CTNNA2: variants seen among roughly 807,000 people sequenced by gnomAD.
The protein encoded by CTNNA2 is catenin alpha 2.
CTNNA2 carries 42 observed loss-of-function variants against 101.0 expected under a neutral mutation model. The ratio of observed to expected loss-of-function variants is 0.42; its 90% CI spans 0.32 to 0.54. CTNNA2 has a LOEUF of 0.54. Ranked by LOEUF, CTNNA2 falls within the 20% of genes least tolerant of loss-of-function variation. The pLI is 0.14. For missense variants in CTNNA2, 871 were observed against 1,223.1 expected (o/e 0.71, Z 4.29); for synonymous variants, 450 against 456.4 (o/e 0.99, Z 0.18).
chr2:80,607,259 C>T (rs1698108002), intron 16 of CTNNA2, among the ~76,000 whole-genome samples: 1 of 151,772 alleles, frequency 6.6e-6, no homozygotes, highest in South Asian at 2.1e-4. Context: ...ATGTCCTTTA[C>T]AAGTACCAAA....
intron 7 of CTNNA2, among the ~76,000 whole-genome samples, chr2:80,356,665 A>T (rs887661998): frequency 6.6e-6 from 1 of 152,140 alleles, no homozygotes; most frequent in Non-Finnish European, 1.5e-5. Context: ...AGTAACTAAA[A>T]TGTGCCTGGC....
chr2:79,995,704 G>A (rs766151095), intron 7 of CTNNA2, among the ~76,000 whole-genome samples: 4 of 152,072 alleles, frequency 2.6e-5, no homozygotes, highest in Admixed American at 6.6e-5. Flanking sequence ...GTCCCAGGCA[G>A]TTGGTGGCTG....
chr2:80,086,039 A>G (rs1334301090), intron 7 of CTNNA2, among the ~76,000 whole-genome samples: 2 of 152,070 alleles, frequency 1.3e-5, no homozygotes, highest in East Asian at 3.9e-4. Flanking sequence ...CTGACTTGAA[A>G]TCAGTGATTC....
At chr2:80,620,982 A>C (rs542277249) in intron 18 of CTNNA2, among the ~76,000 whole-genome samples, 2 of 151,962 alleles carry the variant, frequency 1.3e-5, no homozygotes, top group Non-Finnish European at 2.9e-5. Context: ...GTGTTTTTTA[A>C]ATTCATTTCG....
chr2:79,272,210 A>T (rs1300248098), intron 2 of CTNNA2, among the ~76,000 whole-genome samples: 1 of 151,982 alleles, frequency 6.6e-6, no homozygotes, highest in Admixed American at 6.6e-5. Context: ...AATACAACAC[A>T]TTTGGCGGCC....
intron 9 of CTNNA2, among the ~76,000 whole-genome samples, chr2:80,484,627 T>A (rs1434074): frequency 0.31 from 47,128 of 152,024 alleles, 8,037 homozygotes; most frequent in East Asian, 0.67. Flanking sequence ...GCTATCATTG[T>A]TTTGATACCA....
At chr2:79,717,561 A>G (rs74441130) in intron 2 of CTNNA2, among the ~76,000 whole-genome samples, 4,697 of 152,246 alleles carry the variant, frequency 0.031, 191 homozygotes, top group African/African-American at 0.092. Context: ...GCTTGACCCG[A>G]TCATTCCTAA....
At chr2:79,375,472 A>G (rs1335692550) in intron 4 of CTNNA2, among the ~76,000 whole-genome samples, 2 of 152,182 alleles carry the variant, frequency 1.3e-5, no homozygotes, top group African/African-American at 4.8e-5. Context: ...TCATGCATTA[A>G]TTGATTCAAT....
At chr2:79,715,702 G>A (rs915727644) in intron 2 of CTNNA2, among the ~76,000 whole-genome samples, 9 of 152,222 alleles carry the variant, frequency 5.9e-5, no homozygotes, top group Admixed American at 4.6e-4. Flanking sequence ...ATGCTTGGAG[G>A]GAGGGGACTA....
chr2:80,600,449 T>C (rs1460792800), intron 15 of CTNNA2, among the ~76,000 whole-genome samples: 2 of 151,828 alleles, frequency 1.3e-5, no homozygotes, highest in African/African-American at 4.8e-5. Context: ...TAATTTGCAG[T>C]ATAACAAAAG....
intron 2 of CTNNA2, among the ~76,000 whole-genome samples, chr2:79,218,684 C>T (rs1355986429): frequency 6.6e-6 from 1 of 152,114 alleles, no homozygotes; most frequent in Non-Finnish European, 1.5e-5. Context: ...CAGAGACCAC[C>T]ATCGCAGGCC....
At chr2:79,344,880 A>AAT (rs1053057762) in intron 3 of CTNNA2, among the ~76,000 whole-genome samples, 7 of 145,198 alleles carry the variant, frequency 4.8e-5, no homozygotes, top group Non-Finnish European at 9.0e-5. Flanking sequence ...TTATATATAT[A>AAT]ATATATATAT....
chr2:80,251,549 C>G (rs536481993), intron 7 of CTNNA2, among the ~76,000 whole-genome samples: 1 of 152,194 alleles, frequency 6.6e-6, no homozygotes, highest in African/African-American at 2.4e-5. Context: ...GTGATGACTC[C>G]CATTACATTA....
chr2:79,318,335 G>A (rs190487953), intron 3 of CTNNA2, among the ~76,000 whole-genome samples: 1 of 152,184 alleles, frequency 6.6e-6, no homozygotes, highest in African/African-American at 2.4e-5. Flanking sequence ...GGTGAAAACA[G>A]TAGAATTTAG....
intron 4 of CTNNA2, among the ~76,000 whole-genome samples, chr2:79,488,244 G>T (rs1292981302): frequency 2.0e-5 from 3 of 150,972 alleles, no homozygotes; most frequent in Non-Finnish European, 4.4e-5. Flanking sequence ...CTTGAATTCG[G>T]GAGGCAGTGT....
intron 7 of CTNNA2, among the ~76,000 whole-genome samples, chr2:79,962,935 G>A (rs1160249086): frequency 6.6e-6 from 1 of 151,446 alleles, no homozygotes; most frequent in African/African-American, 2.4e-5. Context: ...ACCGGGCGTA[G>A]TGGCGGGCGC....
intron 7 of CTNNA2, among the ~76,000 whole-genome samples, chr2:80,316,414 CT>C (rs1678129671): frequency 6.6e-6 from 1 of 152,116 alleles, no homozygotes. Context: ...TTAACTGGAC[CT>C]TGATTTTCTG....
chr2:79,301,234 A>G (rs968907281), intron 2 of CTNNA2, among the ~76,000 whole-genome samples: 3 of 152,158 alleles, frequency 2.0e-5, no homozygotes, highest in African/African-American at 4.8e-5. Flanking sequence ...AGATTTTCCA[A>G]TTCCATACAG....
At chr2:79,783,498 T>C (rs958015566) in intron 3 of CTNNA2, among the ~76,000 whole-genome samples, 1 of 152,200 alleles carries the variant, frequency 6.6e-6, no homozygotes, top group South Asian at 2.1e-4. Context: ...TTATTCTTTA[T>C]ACTTGGAAAC....
Sources: allele counts gnomAD v4.1 joint callset (sites outside exome capture counted in the v4.1 genomes callset), GRCh38; gene constraint gnomAD v4.1.1; transcripts MANE v1.5; gene names NCBI Gene and HGNC (gene_info 2026-07-23, HGNC 2026-07-21).